The following LRP1B variants were observed in gnomAD, a reference collection of about 807,000 sequenced individuals.
The protein encoded by LRP1B is LDL receptor related protein 1B.
LRP1B carries 217 observed loss-of-function variants against 556.6 expected under a neutral mutation model. The ratio of observed to expected loss-of-function variants is 0.39; its 90% confidence interval spans 0.35 to 0.44. LRP1B has a LOEUF of 0.44. Among genes scored for constraint, LRP1B ranks in the 20% least tolerant of loss-of-function variants. The pLI is 1.00. For synonymous variants in LRP1B, 2,047 were observed against 1,865.8 expected (o/e 1.10, Z -2.50); for missense variants, 5,053 against 5,620.8 (o/e 0.90, Z 3.23).
rs3063648 is a variant in LRP1B at position 140,929,756 on chromosome 2, TCACACACA to T, written c.3137-6617_3137-6610del. Among the ~76,000 whole-genome samples the T allele has an allele frequency of 1.5e-3, 206 of 139,322 alleles. 1 individual carries two copies. Among genetic ancestry groups the T allele is most frequent in the South Asian group, 6.5e-3 (26 of 4,030 alleles). 91.4% of individuals were successfully genotyped at this position (139,322 alleles called of 152,430 possible). A position where few individuals can be genotyped will look rare whatever the true frequency, so the allele number is the denominator to read the frequency against. ...AAGTTTATACCACAGTCATATAGAC[TCACACACA>T]CACACACACACACACACACACACAC... On this transcript the variant is annotated intron_variant, in intron 20 of 90. Coordinates refer to ENST00000389484, the MANE Select transcript of LRP1B (RefSeq NM_018557.3).
At chr2:141,522,811 C>T (rs555454121) in intron 2 of LRP1B, among the ~76,000 whole-genome samples, 1 of 152,266 alleles carries the variant, frequency 6.6e-6, no homozygotes, top group East Asian at 1.9e-4. Context: ...CTGCAAGCTG[C>T]TATTTGCAGT....
intron 1 of LRP1B, among the ~76,000 whole-genome samples, chr2:142,054,430 T>A (rs1307885585): frequency 6.6e-6 from 1 of 152,080 alleles, no homozygotes; most frequent in Non-Finnish European, 1.5e-5. Context: ...TCTAGGCAAA[T>A]TATGTTACGT....
chr2:140,673,944 C>CTT (rs150017745), intron 41 of LRP1B, among the ~76,000 whole-genome samples: 4 of 140,880 alleles, frequency 2.8e-5, no homozygotes, highest in Admixed American at 7.0e-5. Flanking sequence ...TTTCTTTTTT[C>CTT]TTTTTTTTTT....
chr2:141,263,198 T>C (rs906288997), intron 3 of LRP1B, among the ~76,000 whole-genome samples: 2 of 152,082 alleles, frequency 1.3e-5, no homozygotes, highest in African/African-American at 4.8e-5. Context: ...CAATCAAATA[T>C]GATGAATTTA....
chr2:141,607,477 T>C (rs1423116847), intron 2 of LRP1B, among the ~76,000 whole-genome samples: 1 of 152,164 alleles, frequency 6.6e-6, no homozygotes, highest in Non-Finnish European at 1.5e-5. Flanking sequence ...CCTATTTTCT[T>C]AGTGATCAGT....
intron 2 of LRP1B, among the ~76,000 whole-genome samples, chr2:141,570,162 A>G (rs1417949921): frequency 4.0e-5 from 6 of 150,942 alleles, no homozygotes; most frequent in African/African-American, 1.5e-4. Context: ...AAAACAAAAC[A>G]TAATAAGTGT....
intron 18 of LRP1B, among the ~76,000 whole-genome samples, chr2:140,978,171 T>A (rs1299413587): frequency 6.6e-6 from 1 of 152,130 alleles, no homozygotes; most frequent in Non-Finnish European, 1.5e-5. Flanking sequence ...CCACATATAA[T>A]CTCAACCTAA....
chr2:141,007,196 T>A (rs892039718), intron 14 of LRP1B, among the ~76,000 whole-genome samples: 2 of 151,866 alleles, frequency 1.3e-5, no homozygotes, highest in Non-Finnish European at 2.9e-5. Flanking sequence ...ACTAGGTTAT[T>A]ATACTGAGGC....
At chr2:142,001,392 C>A (rs1239536309) in intron 1 of LRP1B, among the ~76,000 whole-genome samples, 2 of 152,114 alleles carry the variant, frequency 1.3e-5, no homozygotes. Context: ...ATTTACTGAG[C>A]ATTAAAGCAT....
At chr2:141,517,279 C>CAT (rs1559116842) in intron 2 of LRP1B, among the ~76,000 whole-genome samples, 13 of 151,464 alleles carry the variant, frequency 8.6e-5, no homozygotes, top group East Asian at 5.9e-4. Context: ...CACAGACACA[C>CAT]ACACACACAC....
At chr2:140,310,957 A>G (rs1684271321) in intron 83 of LRP1B, among the ~76,000 whole-genome samples, 1 of 151,782 alleles carries the variant, frequency 6.6e-6, no homozygotes, top group African/African-American at 2.4e-5. Flanking sequence ...CAAGAGAAAT[A>G]TAAATAAAAA....
At chr2:140,517,538 G>T (rs1020145354) in intron 49 of LRP1B, among the ~76,000 whole-genome samples, 5 of 151,832 alleles carry the variant, frequency 3.3e-5, no homozygotes, top group Non-Finnish European at 5.9e-5. Context: ...TTTTAAGGAA[G>T]AATAAACGAG....
chr2:141,324,049 C>T (rs958992513), intron 3 of LRP1B, among the ~76,000 whole-genome samples: 1 of 147,856 alleles, frequency 6.8e-6, no homozygotes, highest in African/African-American at 2.5e-5. Flanking sequence ...CACACACACA[C>T]ACACACACAC....
intron 3 of LRP1B, among the ~76,000 whole-genome samples, chr2:141,468,624 G>C (rs972889677): frequency 2.0e-5 from 3 of 151,924 alleles, no homozygotes; most frequent in Non-Finnish European, 4.4e-5. Context: ...AAACTTCTTT[G>C]AGACCACTAA....
At chr2:140,343,890 A>G (rs2105101567) in intron 77 of LRP1B, among the ~76,000 whole-genome samples, 1 of 151,824 alleles carries the variant, frequency 6.6e-6, no homozygotes, top group South Asian at 2.1e-4. Flanking sequence ...CAAGGAAGAA[A>G]ACAAATCAGT....
chr2:141,597,377 T>C (rs1687562190), intron 2 of LRP1B, among the ~76,000 whole-genome samples: 1 of 152,072 alleles, frequency 6.6e-6, no homozygotes, highest in African/African-American at 2.4e-5. Context: ...ATTTAAGCCG[T>C]AACTAAGGCA....
intron 43 of LRP1B, among the ~76,000 whole-genome samples, chr2:140,578,478 GCCT>G (rs1681622465): frequency 6.6e-6 from 1 of 152,100 alleles, no homozygotes; most frequent in African/African-American, 2.4e-5. Flanking sequence ...AGCCACCCTG[GCCT>G]CCTTCTACTC....
chr2:140,898,224 T>C (rs1262817092), intron 23 of LRP1B, among the ~76,000 whole-genome samples: 3 of 152,168 alleles, frequency 2.0e-5, no homozygotes, highest in Non-Finnish European at 2.9e-5. Flanking sequence ...TCATTGAGCC[T>C]AAGTATTAAA....
rs917964466 is a variant in LRP1B, at chr2:140,905,100, G to C, written c.3521-1935C>G. ...CTTTTTATTACCTGACAAAGACTCTGTCCTTGACCAAACACTAGTCAGGAT... is the reference window on the plus strand; with the variant it reads ...CTTTTTATTACCTGACAAAGACTCTCTCCTTGACCAAACACTAGTCAGGAT... On this transcript the variant is annotated intron_variant, in intron 22 of 90. Coordinates refer to ENST00000389484, the MANE Select transcript of LRP1B (RefSeq NM_018557.3). 2.0e-5 allele frequency among the ~76,000 whole-genome samples: 3 copies of C among 152,028 alleles called. No individual in the cohort carries two copies. The South Asian group carries it at 6.2e-4, about 31-fold the overall frequency.
Sources: allele counts gnomAD v4.1 joint callset (sites outside exome capture counted in the v4.1 genomes callset), GRCh38; gene constraint gnomAD v4.1.1; transcripts MANE v1.5; gene names NCBI Gene and HGNC (gene_info 2026-07-23, HGNC 2026-07-21).